Variants in NPAS3 observed in about 807,000 individuals in gnomAD.
NPAS3 encodes the protein neuronal PAS domain-containing protein 3.
NPAS3 carries 14 observed loss-of-function variants against 73.1 expected under a neutral mutation model. The observed-to-expected ratio is 0.19, with a 90% confidence interval of 0.13 to 0.30. NPAS3 has a LOEUF of 0.30. NPAS3 is among the 10% of genes least tolerant of loss of function. NPAS3 has a pLI of 1.00. For missense variants in NPAS3, 1,096 were observed against 1,250.0 expected (o/e 0.88, Z 1.86); for synonymous variants, 620 against 541.5 (o/e 1.14, Z -2.01).
chr14:33,372,724 G>A (rs1372530501), intron 4 of NPAS3, among the ~76,000 whole-genome samples: 2 of 152,132 alleles, frequency 1.3e-5, no homozygotes, highest in African/African-American at 4.8e-5. Flanking sequence ...AGCCCTAGTG[G>A]GCCTGAATCA....
At chr14:33,365,144 A>G (rs2045780785) in intron 3 of NPAS3, among the ~76,000 whole-genome samples, 1 of 129,800 alleles carries the variant, frequency 7.7e-6, no homozygotes, top group Non-Finnish European at 1.6e-5. Flanking sequence ...TGGACACTTG[A>G]GAAGTTTTTC....
chr14:32,942,502 A>G (rs1240059037), intron 1 of NPAS3, among the ~76,000 whole-genome samples: 1 of 152,272 alleles, frequency 6.6e-6, no homozygotes, highest in Non-Finnish European at 1.5e-5. Context: ...CCTTGTGTAC[A>G]TAAACTTGTT....
intron 1 of NPAS3, among the ~76,000 whole-genome samples, chr14:32,995,093 G>A (rs1364642137): frequency 6.6e-6 from 1 of 152,202 alleles, no homozygotes; most frequent in Non-Finnish European, 1.5e-5. Flanking sequence ...GGAAACTGAA[G>A]CTGGGCAGCT....
At chr14:33,666,310 C>A (rs2059449069) in intron 5 of NPAS3, among the ~76,000 whole-genome samples, 1 of 152,190 alleles carries the variant, frequency 6.6e-6, no homozygotes, top group Non-Finnish European at 1.5e-5. Flanking sequence ...TTGCTCCTAT[C>A]TTTTCATCCA....
chr14:33,016,754 C>G (rs1405566362), intron 1 of NPAS3, among the ~76,000 whole-genome samples: 1 of 152,082 alleles, frequency 6.6e-6, no homozygotes, highest in African/African-American at 2.4e-5. Flanking sequence ...TGTAACTCCC[C>G]TTGCGGCCTT....
At chr14:33,085,176 A>G (rs557881134) in intron 2 of NPAS3, among the ~76,000 whole-genome samples, 1 of 152,300 alleles carries the variant, frequency 6.6e-6, no homozygotes, top group South Asian at 2.1e-4. Context: ...CTGATATTCC[A>G]GTTCTTTCCA....
intron 3 of NPAS3, among the ~76,000 whole-genome samples, chr14:33,287,137 G>T (rs925070038): frequency 6.6e-6 from 1 of 152,170 alleles, no homozygotes; most frequent in African/African-American, 2.4e-5. Flanking sequence ...GGAGTTATTC[G>T]TGGGAGAAAA....
chr14:33,245,992 G>A (rs28507915), intron 3 of NPAS3, among the ~76,000 whole-genome samples: 22,384 of 150,958 alleles, frequency 0.15, 1,980 homozygotes, highest in Non-Finnish European at 0.21. Context: ...CTTTTTAGTT[G>A]CTGCTTTTTC....
chr14:33,098,335 G>A (rs1266832693), intron 2 of NPAS3, among the ~76,000 whole-genome samples: 2 of 152,192 alleles, frequency 1.3e-5, no homozygotes, highest in Middle Eastern at 3.4e-3. Flanking sequence ...ATTTAGTATA[G>A]GATTGTAGAG....
In NPAS3 at chr14:33,559,427, G is replaced by A. The variant is rs557349270; in HGVS notation, c.469-694G>A. On this transcript the variant is annotated intron_variant, in intron 4 of 11. Transcript: ENST00000356141. ...ATTTTACTTGCTCTTGATATAGGAA[G>A]CCTTTTTTTCTTTCATTTCATTACG... Among the ~76,000 whole-genome samples the A allele has an allele frequency of 4.6e-5, 7 of 152,210 alleles. No homozygotes were observed. The South Asian group carries it at 1.5e-3, about 32-fold the overall frequency.
At chr14:33,098,811 A>G (rs1308761216) in intron 2 of NPAS3, among the ~76,000 whole-genome samples, 3 of 152,224 alleles carry the variant, frequency 2.0e-5, no homozygotes, top group Non-Finnish European at 2.9e-5. Context: ...ATAAATTTCA[A>G]TGATCTCCCA....
chr14:33,312,001 A>T (rs1385382981), intron 3 of NPAS3, among the ~76,000 whole-genome samples: 1 of 152,112 alleles, frequency 6.6e-6, no homozygotes, highest in Non-Finnish European at 1.5e-5. Flanking sequence ...TGTTCCAAAG[A>T]CTTCATTTTT....
chr14:33,693,257 G>A (rs1037689592), intron 6 of NPAS3, among the ~76,000 whole-genome samples: 9 of 152,056 alleles, frequency 5.9e-5, no homozygotes, highest in African/African-American at 1.9e-4. Context: ...TAAAAATCTT[G>A]AATTTTTACA....
At chr14:33,702,935 G>C (rs1321450990) in intron 6 of NPAS3, among the ~76,000 whole-genome samples, 2 of 152,102 alleles carry the variant, frequency 1.3e-5, no homozygotes, top group African/African-American at 4.8e-5. Flanking sequence ...TTCCACTTAA[G>C]CTAGAAGATA....
At chr14:32,961,409 C>CAAA (rs555007306) in intron 1 of NPAS3, among the ~76,000 whole-genome samples, 1 of 57,302 alleles carries the variant, frequency 1.7e-5, no homozygotes, top group Admixed American at 2.0e-4. Flanking sequence ...GACTTCATCT[C>CAAA]AAAAAAAAAA....
chr14:33,687,376 C>T (rs915070413), intron 6 of NPAS3, among the ~76,000 whole-genome samples: 2 of 152,098 alleles, frequency 1.3e-5, no homozygotes, highest in African/African-American at 4.8e-5. Context: ...TGGTAAAATA[C>T]CAGTCTGCTA....
chr14:33,765,998 T>C (rs2062451370), intron 7 of NPAS3, among the ~76,000 whole-genome samples: 1 of 152,216 alleles, frequency 6.6e-6, no homozygotes, highest in Non-Finnish European at 1.5e-5. Flanking sequence ...CAGAGGTTTT[T>C]TGTTTAAAAG....
At chr14:33,664,038 C>CA (rs1278277326) in intron 5 of NPAS3, among the ~76,000 whole-genome samples, 2 of 151,492 alleles carry the variant, frequency 1.3e-5, no homozygotes, top group Non-Finnish European at 2.9e-5. Flanking sequence ...GTCTCTATCC[C>CA]AAAAAAGAGC....
chr14:33,392,236 A>G (rs940250449), intron 4 of NPAS3, among the ~76,000 whole-genome samples: 10 of 152,198 alleles, frequency 6.6e-5, no homozygotes, highest in African/African-American at 2.4e-4. Flanking sequence ...GGATTGTAAC[A>G]TGTATTCATT....
Sources: allele counts gnomAD v4.1 joint callset (sites outside exome capture counted in the v4.1 genomes callset), GRCh38; gene constraint gnomAD v4.1.1; transcripts MANE v1.5; gene names NCBI Gene and HGNC (gene_info 2026-07-23, HGNC 2026-07-21).